Variants in SFSWAP observed in about 807,000 individuals in gnomAD.
SFSWAP encodes the protein splicing factor, suppressor of white-apricot homolog.
Under a neutral mutation model 100.7 loss-of-function variants are expected in SFSWAP, and 17 were observed. The observed-to-expected ratio is 0.17, with a 90% CI of 0.12 to 0.25. The LOEUF (loss-of-function observed/expected upper bound fraction) is 0.25. Ranked by LOEUF, SFSWAP falls within the 10% of genes least tolerant of loss-of-function variation. SFSWAP has a pLI of 1.00. For missense variants in SFSWAP, 1,005 were observed against 1,262.6 expected, an observed-to-expected ratio of 0.80 and a Z score of 3.09; for synonymous variants, 504 against 510.1, an observed-to-expected ratio of 0.99 and a Z score of 0.16.
rs536767702 is a variant in SFSWAP at position 131,741,245 on chromosome 12, C to T, written c.1082-11878C>T. Reference sequence around the variant, plus strand: ...CCCCTCAAAGTGCTGGGATTACAGGCGCAAGCCACCGTGCCCAGCCTAGGG... The same window carrying T: ...CCCCTCAAAGTGCTGGGATTACAGGTGCAAGCCACCGTGCCCAGCCTAGGG... On this transcript the variant is annotated intron_variant, in intron 7 of 17. Transcript: ENST00000261674. 2.6e-4 allele frequency among the ~76,000 whole-genome samples: 39 copies of T among 152,162 alleles called. 2 individuals carry two copies. The South Asian group carries it at 6.4e-3, about 25-fold the overall frequency.
chr12:131,764,622 A>C lies in SFSWAP; in HGVS notation c.1887A>C (p.Pro629=), dbSNP rs1593164431. 6.2e-7 allele frequency: 1 copy of C among 1,614,232 alleles called. No homozygotes were observed. The highest frequency in any genetic ancestry group is 8.5e-7 in the Non-Finnish European group (1 of 1,180,040). Residue 629 remains proline (P), a synonymous_variant, in exon 12 of 18, where the codon CCA becomes CCC. Coordinates refer to ENST00000261674, the MANE Select transcript of SFSWAP (RefSeq NM_004592.4). ...CAAACACTAACCCAGCAGTTGCCCC[A>C]CCCTGTGTAGTTGTTGAGGAGAAGA... ...SAANTNPAVA[P]PCVVVEEKKP...
chr12:131,724,459 A>C (rs1373976122), intron 4 of SFSWAP, among the ~76,000 whole-genome samples: 2 of 152,246 alleles, frequency 1.3e-5, no homozygotes, highest in Non-Finnish European at 2.9e-5. Flanking sequence ...AGTGTGAAGG[A>C]TGTTATTAGT....
intron 7 of SFSWAP, among the ~76,000 whole-genome samples, chr12:131,739,707 G>A (rs146321762): frequency 0.013 from 2,033 of 151,752 alleles, 41 homozygotes; most frequent in African/African-American, 0.045. Flanking sequence ...CACCATGCCC[G>A]ATTAATTTTT....
chr12:131,789,846 G>A (rs1299106325), intron 15 of SFSWAP, among the ~76,000 whole-genome samples: 1 of 152,202 alleles, frequency 6.6e-6, no homozygotes, highest in Admixed American at 6.5e-5. Flanking sequence ...CACAGATCAG[G>A]ACACACAGAA....
intron 13 of SFSWAP, among the ~76,000 whole-genome samples, chr12:131,773,225 G>T (rs148951748): frequency 6.3e-4 from 96 of 152,270 alleles, no homozygotes; most frequent in African/African-American, 2.2e-3. Context: ...CATTCCTAGT[G>T]TGTGTTCGTA....
Position 131,714,960 on chromosome 12 carries a change from G to C in SFSWAP, c.520+7G>C. 1 of 1,613,700 alleles carries C rather than the reference G, an allele frequency of 6.2e-7. No homozygotes were observed. The highest frequency in any genetic ancestry group is 8.5e-7 in the Non-Finnish European group (1 of 1,179,954). On this transcript the variant is annotated splice_region_variant and intron_variant, in intron 3 of 17. Transcript: ENST00000261674. This position sits in a 1 kb window ranked among gnomAD's most constrained non-coding sequence, Gnocchi z 6.0. ...GAGCCTTCCAAACAGAGAGGTGAGT[G>C]GGGAGCTGCCTGGACTGCTGGTGTA...
chr12:131,721,964 C>T (rs1878515879), intron 4 of SFSWAP, among the ~76,000 whole-genome samples: 1 of 152,080 alleles, frequency 6.6e-6, no homozygotes, highest in Non-Finnish European at 1.5e-5. Context: ...GGCAGTAATT[C>T]ATTGTGTAAA....
chr12:131,715,128 G>C (rs113298607), intron 3 of SFSWAP, among the ~76,000 whole-genome samples, 175 bp downstream of exon 3: 6 of 152,224 alleles, frequency 3.9e-5, no homozygotes, highest in African/African-American at 1.4e-4. Flanking sequence ...TTAAAAACTA[G>C]AATGATTAAT....
chr12:131,767,290 CT>C (rs551065977), intron 13 of SFSWAP, among the ~76,000 whole-genome samples: 19 of 149,208 alleles, frequency 1.3e-4, no homozygotes, highest in Admixed American at 3.3e-4. Context: ...AAAAACTCTA[CT>C]TTTTTTTTTG....
chr12:131,717,602 G>A (rs1878049197), intron 3 of SFSWAP, among the ~76,000 whole-genome samples: 1 of 152,064 alleles, frequency 6.6e-6, no homozygotes, highest in African/African-American at 2.4e-5. Context: ...ATCCCAAAAA[G>A]CTATTTCAAT....
At chr12:131,750,279 A>G (rs1177792481) in intron 7 of SFSWAP, among the ~76,000 whole-genome samples, 1 of 152,242 alleles carries the variant, frequency 6.6e-6, no homozygotes, top group Non-Finnish European at 1.5e-5. Context: ...GCTGCCTCCG[A>G]GCATGGCAGT....
intron 16 of SFSWAP, 98 bp downstream of exon 16, chr12:131,797,458 C>A: frequency 8.7e-7 from 1 of 1,153,672 alleles, no homozygotes; most frequent in Non-Finnish European, 1.2e-6. Flanking sequence ...TCAGTACTCG[C>A]CTGTGTCCAG....
chr12:131,770,534 A>G lies in SFSWAP; in HGVS notation c.2142+4226A>G, dbSNP rs551232064. The stretch of plus-strand genomic sequence containing the variant: ...AGTCACTTCTCTGTCTTTACTTTCT[A>G]TAAAACTGATGTATACATATGATTT... On this transcript the variant is annotated intron_variant, in intron 13 of 17. Transcript: ENST00000261674. 4.6e-5 allele frequency among the ~76,000 whole-genome samples: 7 copies of G among 152,344 alleles called. No homozygotes were observed. In the East Asian group the frequency reaches 9.6e-4, roughly 21 times the overall value.
chr12:131,765,653 GAAA>G (rs200643009), intron 12 of SFSWAP, among the ~76,000 whole-genome samples: 1 of 136,650 alleles, frequency 7.3e-6, no homozygotes, highest in Non-Finnish European at 1.6e-5. Context: ...CCGTCTCAAA[GAAA>G]AAAAAAAAAA....
Position 131,764,600 on chromosome 12 carries a change from A to G in SFSWAP, c.1865A>G (p.Asn622Ser), listed in dbSNP as rs747048562. 6.2e-7 allele frequency: 1 copy of G among 1,614,198 alleles called. No individual in the cohort carries two copies. Among genetic ancestry groups the G allele is most frequent in the South Asian group, 1.1e-5 (1 of 91,086 alleles). Residue 622 changes from asparagine (N) to serine (S), a missense_variant, in exon 12 of 18, where the codon AAC becomes AGC. Around this residue, in one of 7 missense-constraint regions of SFSWAP, gnomAD observed 82 missense variants for 131.0 expected, o/e 0.63. Coordinates refer to ENST00000261674, the MANE Select transcript of SFSWAP (RefSeq NM_004592.4). ...EGQESSSSAA[N>S]TNPAVAPPCV... Reference sequence around the variant, plus strand: ...CAAGAAAGTTCTAGTAGTGCTGCAAACACTAACCCAGCAGTTGCCCCACCC... The same window carrying G: ...CAAGAAAGTTCTAGTAGTGCTGCAAGCACTAACCCAGCAGTTGCCCCACCC...
chr12:131,751,398 G>A (rs114230953), intron 7 of SFSWAP, among the ~76,000 whole-genome samples: 2,066 of 152,314 alleles, frequency 0.014, 44 homozygotes, highest in African/African-American at 0.046. Flanking sequence ...TGGGGTTTCC[G>A]TCCTTCCTGC....
intron 3 of SFSWAP, among the ~76,000 whole-genome samples, chr12:131,716,008 CA>C (rs1453978137): frequency 6.6e-6 from 1 of 152,222 alleles, no homozygotes; most frequent in East Asian, 1.9e-4. Context: ...CCAAGTGACA[CA>C]TCTTTTAACA....
Position 131,766,140 on chromosome 12 carries a change from C to T in SFSWAP, c.1974C>T (p.Arg658=). The T allele has an allele frequency of 6.2e-7, 1 of 1,612,800 alleles. No individual in the cohort carries two copies. The highest frequency in any genetic ancestry group is 8.5e-7 in the Non-Finnish European group (1 of 1,179,590). Residue 658 remains arginine, a synonymous_variant, in exon 13 of 18, where the codon CGC becomes CGT. Transcript: ENST00000261674. The stretch of plus-strand genomic sequence containing the variant: ...AAGCAAAGCAAAAGCTGGAAGATCG[C>T]CTCGCAGCTGCTGCCCGGGAAAAGC... The part of the protein sequence containing the change: ...AKQAKQKLED[R]LAAAAREKLA...
chr12:131,793,166 C>G (rs942518142), intron 15 of SFSWAP, among the ~76,000 whole-genome samples: 8 of 152,026 alleles, frequency 5.3e-5, no homozygotes, highest in African/African-American at 1.9e-4. Flanking sequence ...CTCGACTCAG[C>G]CCGGCTGACT....
Sources: allele counts gnomAD v4.1 joint callset (sites outside exome capture counted in the v4.1 genomes callset), GRCh38; gene constraint gnomAD v4.1.1; regional missense constraint gnomAD v4.1.1; non-coding constraint Gnocchi (gnomAD v3.1); transcripts MANE v1.5; gene names NCBI Gene and HGNC (gene_info 2026-07-23, HGNC 2026-07-21).